SOS1: variants seen among roughly 807,000 people sequenced by gnomAD.
SOS1 encodes son of sevenless homolog 1.
SOS1 carries 25 observed loss-of-function variants against 157.6 expected under a neutral mutation model. The observed-to-expected ratio is 0.16, with a 90% CI of 0.12 to 0.22. SOS1 has a LOEUF of 0.22. Among genes scored for constraint, SOS1 ranks in the 10% least tolerant of loss-of-function variants. The pLI, the probability that SOS1 is intolerant of heterozygous loss-of-function variation, is 1.00. For synonymous variants in SOS1, 528 were observed against 534.0 expected, an observed-to-expected ratio of 0.99 and a Z score of 0.16; for missense variants, 1,237 against 1,599.1, an observed-to-expected ratio of 0.77 and a Z score of 3.86.
At chr2:38,989,905 C>G (rs2124464107) in intron 20 of SOS1, among the ~76,000 whole-genome samples, 1 of 151,856 alleles carries the variant, frequency 6.6e-6, no homozygotes, top group African/African-American at 2.4e-5. Context: ...ATAGGAAATT[C>G]TGATAAATTT....
chr2:39,093,667 A>G (rs770275614), intron 1 of SOS1, among the ~76,000 whole-genome samples: 6 of 152,240 alleles, frequency 3.9e-5, no homozygotes, highest in Non-Finnish European at 5.9e-5. Context: ...GACCAGTGTG[A>G]CTACAGCAGA....
intron 1 of SOS1, among the ~76,000 whole-genome samples, chr2:39,114,941 A>T (rs1673589123): frequency 6.6e-6 from 1 of 151,998 alleles, no homozygotes; most frequent in Non-Finnish European, 1.5e-5. Flanking sequence ...CTCAGACACT[A>T]GGGTTTCATT....
chr2:39,083,398 A>G (rs1279470069), intron 1 of SOS1, among the ~76,000 whole-genome samples: 1 of 152,200 alleles, frequency 6.6e-6, no homozygotes, highest in Non-Finnish European at 1.5e-5. Context: ...AGTAATATAC[A>G]AAAACCAGTC....
intron 8 of SOS1, among the ~76,000 whole-genome samples, chr2:39,029,117 T>C (rs555924889): frequency 3.3e-5 from 5 of 152,314 alleles, no homozygotes; most frequent in African/African-American, 1.2e-4. Flanking sequence ...AAATTATTAT[T>C]TTATGGTACC....
At chr2:39,066,030 A>G (rs183307333) in intron 2 of SOS1, among the ~76,000 whole-genome samples, 1 of 152,240 alleles carries the variant, frequency 6.6e-6, no homozygotes, top group Admixed American at 6.5e-5. Context: ...TCCAATTTCG[A>G]TTCAGTGATG....
At chr2:39,088,153 G>T (rs1456782883) in intron 1 of SOS1, among the ~76,000 whole-genome samples, 3 of 17,564 alleles carry the variant, frequency 1.7e-4, no homozygotes. Context: ...ACAAAATCCA[G>T]TTTACCCCAC....
intron 1 of SOS1, among the ~76,000 whole-genome samples, chr2:39,113,036 C>CAA (rs543968368): frequency 6.8e-5 from 9 of 131,672 alleles, no homozygotes; most frequent in African/African-American, 2.2e-4. Flanking sequence ...GACTCTGTCT[C>CAA]AAAAAAAAAA....
At chr2:39,081,509 G>C (rs1296126148) in intron 1 of SOS1, among the ~76,000 whole-genome samples, 1 of 151,268 alleles carries the variant, frequency 6.6e-6, no homozygotes, top group East Asian at 2.0e-4. Context: ...AACAGAGTGA[G>C]ACTGTCCTCG....
intron 5 of SOS1, among the ~76,000 whole-genome samples, chr2:39,054,245 C>A (rs1401565631): frequency 6.6e-6 from 1 of 152,194 alleles, no homozygotes; most frequent in East Asian, 1.9e-4. Flanking sequence ...TCTTATTCAT[C>A]TTTGAATCCC....
chr2:39,023,694 A>T (rs1276455080), intron 9 of SOS1: 1 of 309,726 alleles, frequency 3.2e-6, no homozygotes, highest in Non-Finnish European at 6.0e-6. Context: ...AAAATAAAGG[A>T]CACTAATAAT....
intron 1 of SOS1, among the ~76,000 whole-genome samples, chr2:39,093,268 C>A (rs1275274865): frequency 6.6e-6 from 1 of 152,090 alleles, no homozygotes; most frequent in African/African-American, 2.4e-5. Flanking sequence ...TCCTGAAATG[C>A]ATGATCATCT....
At position 39,093,988 on chromosome 2, in the gene SOS1, T is replaced by C. The variant is rs900860149; in HGVS notation, c.88-26235A>G. Among the ~76,000 whole-genome samples, 7 of 152,310 alleles carry C rather than the reference T, an allele frequency of 4.6e-5. No homozygotes were observed. In the South Asian group the frequency reaches 8.3e-4, roughly 18 times the overall value. ...TACATACCTTAACTCTCTTCAAATA[T>C]TGAATGTAGGAGGCTGAGTTTTTCT... On this transcript the variant is annotated intron_variant, in intron 1 of 22. Coordinates refer to ENST00000402219, the MANE Select transcript of SOS1 (RefSeq NM_005633.4).
chr2:39,086,249 G>C (rs750206139), intron 1 of SOS1, among the ~76,000 whole-genome samples: 2 of 152,140 alleles, frequency 1.3e-5, no homozygotes, highest in Non-Finnish European at 2.9e-5. Flanking sequence ...TGAAGTGAGA[G>C]GGATAACATT....
chr2:39,079,226 A>G (rs912574727), intron 1 of SOS1, among the ~76,000 whole-genome samples: 4 of 4,628 alleles, frequency 8.6e-4, no homozygotes, highest in African/African-American at 7.1e-3. Flanking sequence ...AAGTTACACA[A>G]TAACATAAAT....
chr2:39,060,746 G>A (rs942582748), intron 2 of SOS1, among the ~76,000 whole-genome samples: 3 of 152,038 alleles, frequency 2.0e-5, no homozygotes, highest in African/African-American at 7.2e-5. Flanking sequence ...TTAAAATGAG[G>A]GTTGGGCAAT....
At chr2:39,017,276 G>C (rs906116274) in intron 10 of SOS1, among the ~76,000 whole-genome samples, 1 of 151,950 alleles carries the variant, frequency 6.6e-6, no homozygotes, top group Admixed American at 6.6e-5. Flanking sequence ...ACAGCTGTGA[G>C]ATCTAAATAT....
chr2:39,039,839 G>A (rs1670494315), intron 6 of SOS1, among the ~76,000 whole-genome samples: 1 of 151,952 alleles, frequency 6.6e-6, no homozygotes, highest in African/African-American at 2.4e-5. Flanking sequence ...AAACCCCTCA[G>A]CCCTAGGCAA....
chr2:39,064,924 A>ATT (rs571068363), intron 2 of SOS1, among the ~76,000 whole-genome samples: 1 of 132,328 alleles, frequency 7.6e-6, no homozygotes, highest in Admixed American at 7.6e-5. Context: ...ATTTTTTTGT[A>ATT]TTTTTTTTTT....
At chr2:39,037,868 C>T (rs188347168) in intron 6 of SOS1, among the ~76,000 whole-genome samples, 2 of 151,914 alleles carry the variant, frequency 1.3e-5, no homozygotes, top group African/African-American at 2.4e-5. Flanking sequence ...CAACTGTTTA[C>T]AACATGGTTT....
Sources: allele counts gnomAD v4.1 joint callset (sites outside exome capture counted in the v4.1 genomes callset), GRCh38; gene constraint gnomAD v4.1.1; transcripts MANE v1.5; gene names NCBI Gene and HGNC (gene_info 2026-07-23, HGNC 2026-07-21).